PTCH1: variants seen among roughly 807,000 people sequenced by gnomAD.
PTCH1 encodes protein patched homolog 1.
PTCH1 carries 14 observed loss-of-function variants against 144.6 expected under a neutral mutation model. The observed-to-expected ratio is 0.10, with a 90% confidence interval of 0.06 to 0.15. PTCH1 has a LOEUF of 0.15. Among genes scored for constraint, PTCH1 ranks in the 10% least tolerant of loss-of-function variants. PTCH1 has a pLI of 1.00. For missense variants in PTCH1, 1,623 were observed against 1,948.3 expected (o/e 0.83, Z 3.14); for synonymous variants, 833 against 793.6 (o/e 1.05, Z -0.83).
chr9:95,516,673 C>T (rs1291827179), exon 1 of PTCH1: 4 of 1,613,018 alleles, frequency 2.5e-6, no homozygotes, highest in African/African-American at 1.3e-5. Context: ...TCTTCTCCTC[C>T]GTTTTCTTCT....
chr9:95,482,407 G>GT (rs1841618112), intron 3 of PTCH1: 4 of 600,074 alleles, frequency 6.7e-6, no homozygotes, highest in Non-Finnish European at 1.2e-5. Context: ...AACATGTAGG[G>GT]TGTTTATGTA....
chr9:95,484,141 T>C (rs1588619009), intron 3 of PTCH1: 1 of 152,238 alleles, frequency 6.6e-6, no homozygotes, highest in East Asian at 1.9e-4. Context: ...CTGAAGCATG[T>C]AGGTGACAAA....
intron 15 of PTCH1, among the ~76,000 whole-genome samples, chr9:95,466,192 C>T (rs796988039): frequency 2.8e-4 from 43 of 152,192 alleles, no homozygotes; most frequent in African/African-American, 1.0e-3. Flanking sequence ...GAATTACAGG[C>T]ACCCACCAGC....
intron 2 of PTCH1, chr9:95,495,138 TTTG>T (rs953213575): frequency 1.1e-4 from 16 of 152,236 alleles, no homozygotes; most frequent in African/African-American, 3.9e-4. Flanking sequence ...CTTTCATGAT[TTTG>T]TTGCCATCAG....
chr9:95,461,780 C>A (rs989815312), intron 16 of PTCH1, 76 bp downstream of exon 16: 1 of 1,591,094 alleles, frequency 6.3e-7, no homozygotes. Flanking sequence ...TGGGGTCACA[C>A]GCTGTCAAGC....
At position 95,459,695 on chromosome 9, in the gene PTCH1, G is replaced by C. The variant is rs772928587; in HGVS notation, c.2792C>G (p.Pro931Arg). 21 of 1,614,110 alleles carry C rather than the reference G, an allele frequency of 1.3e-5. No homozygotes were observed. The highest frequency in any genetic ancestry group is 1.6e-5 in the Non-Finnish European group (19 of 1,180,046). The change falls in exon 17 of 24, where the codon CCC becomes CGC. Residue 931 changes from proline to arginine, a missense_variant. Physicochemically the swap from Pro to Arg is moderately radical, Grantham distance 103. Around this residue, in one of 7 missense-constraint regions of PTCH1, gnomAD observed 504 missense variants for 679.3 expected, o/e 0.74. Transcript: ENST00000331920. ...GGCCTGGGAGGCAGCATACGCGACGGGGTCGTTGCTGACCCAAGCCGTCAG... is the reference window on the plus strand; with the variant it reads ...GGCCTGGGAGGCAGCATACGCGACGCGGTCGTTGCTGACCCAAGCCGTCAG... Reference protein sequence around the residue: ...IYLTAWVSNDPVAYAASQANI... With the variant: ...IYLTAWVSNDRVAYAASQANI...
chr9:95,477,980 A>G (rs1364967659), intron 9 of PTCH1, 75 bp downstream of exon 9: 1 of 1,603,254 alleles, frequency 6.2e-7, no homozygotes, highest in African/African-American at 1.3e-5. Context: ...AAGAAGCAGG[A>G]GCAGTCATGG....
At chr9:95,446,457 T>C in intron 23 of PTCH1, 66 bp from the exon 24 acceptor site, 1 of 513,744 alleles carries the variant, frequency 1.9e-6, no homozygotes, top group Non-Finnish European at 3.9e-6. Context: ...ATTTATAAAG[T>C]ACAAAAGCAG....
At chr9:95,515,928 T>C (rs1378487641) in intron 1 of PTCH1, among the ~76,000 whole-genome samples, 1 of 151,772 alleles carries the variant, frequency 6.6e-6, no homozygotes, top group African/African-American at 2.4e-5. Context: ...GAGCGTGCCC[T>C]TCCCTGCGGC....
At chr9:95,496,129 CCT>C (rs776819847) in intron 2 of PTCH1, among the ~76,000 whole-genome samples, 5 of 152,196 alleles carry the variant, frequency 3.3e-5, no homozygotes, top group African/African-American at 4.8e-5. Flanking sequence ...CCTGCCGACC[CCT>C]GACATAAATT....
intron 8 of PTCH1, 43 bp downstream of exon 8, chr9:95,478,957 G>C: frequency 6.2e-7 from 1 of 1,613,310 alleles, no homozygotes; most frequent in Non-Finnish European, 8.5e-7. Context: ...ATGAAGAATT[G>C]CATAACCAGC....
At chr9:95,498,212 C>T (rs1308820594) in intron 2 of PTCH1, among the ~76,000 whole-genome samples, 2 of 152,124 alleles carry the variant, frequency 1.3e-5, no homozygotes, top group Non-Finnish European at 2.9e-5. Context: ...TTTATCCGAA[C>T]AATAATAAAT....
At chr9:95,478,315 G>T in intron 8 of PTCH1, 129 bp from the exon 9 acceptor site, 3 of 1,378,146 alleles carry the variant, frequency 2.2e-6, no homozygotes, top group South Asian at 1.2e-5. Flanking sequence ...AAAGTTCTAC[G>T]TGATTCCAGG....
At position 95,447,237 on chromosome 9, in the gene PTCH1, C is replaced by T. The variant is rs1218728112; in HGVS notation, c.4019G>A (p.Gly1340Asp). 5 of 1,611,578 alleles carry T rather than the reference C, an allele frequency of 3.1e-6. No homozygotes were observed. Among genetic ancestry groups the T allele is most frequent in the Non-Finnish European group, 4.2e-6 (5 of 1,178,594 alleles). The change falls in exon 23 of 24, where the codon GGC becomes GAC. Residue 1340 changes from glycine to aspartate, a missense_variant. Physicochemically the swap from Gly to Asp is moderately conservative, Grantham distance 94. Around this residue, in one of 7 missense-constraint regions of PTCH1, gnomAD observed 291 missense variants for 287.4 expected, o/e 1.01. Transcript: ENST00000331920. Reference sequence around the variant, plus strand: ...GTTGTGAGAACGGGCCCCGCGAGGGCCCCAGCGGGCCCTATTGCTAGGGCC... The same window carrying T: ...GTTGTGAGAACGGGCCCCGCGAGGGTCCCAGCGGGCCCTATTGCTAGGGCC... ...HSGPSNRARW[G>D]PRGARSHNPR...
intron 2 of PTCH1, among the ~76,000 whole-genome samples, chr9:95,504,522 T>C (rs767994510): frequency 6.6e-6 from 1 of 152,242 alleles, no homozygotes; most frequent in Non-Finnish European, 1.5e-5. Flanking sequence ...AAATACAGGT[T>C]GGATCAAGTG....
At position 95,468,905 on chromosome 9, in the gene PTCH1, C is replaced by G. The variant is rs547829353; in HGVS notation, c.2096G>C (p.Cys699Ser). Reference protein sequence around the residue: ...PVTVTQDTLSCQSPESTSSTR... With the variant: ...PVTVTQDTLSSQSPESTSSTR... ...GGAGCTGGTGCTCTCTGGGCTCTGG[C>G]AGCTGAGGGTGTCCTGTGTCACGGT... The change falls in exon 14 of 24, where the codon TGC (cysteine) becomes TCC (serine). Residue 699 changes from cysteine to serine, a missense_variant. Cys to Ser is a moderately radical substitution (Grantham distance 112). Coordinates refer to ENST00000331920, the MANE Select transcript of PTCH1 (RefSeq NM_000264.5). 6.2e-7 allele frequency: 1 copy of G among 1,614,032 alleles called. No homozygotes were observed.
rs1564052712 is a variant in PTCH1 at position 95,478,873 on chromosome 9, C to A, written c.1215+127G>T. 6 of 1,439,882 alleles carry A rather than the reference C, an allele frequency of 4.2e-6. No homozygotes were observed. In the East Asian group the frequency reaches 1.5e-4, roughly 35 times the overall value. 89.2% of individuals were successfully genotyped at this position (1,439,882 alleles called of 1,614,324 possible). On this transcript the variant is annotated intron_variant, in intron 8 of 23. Transcript: ENST00000331920. The stretch of plus-strand genomic sequence containing the variant: ...CAAAGAAGAGGAAAAAAGTTTTCAT[C>A]CCATCAAGTTCCCAGAATTGCAATG...
chr9:95,470,400 A>C (rs562009732), intron 12 of PTCH1, among the ~76,000 whole-genome samples: 1 of 152,362 alleles, frequency 6.6e-6, no homozygotes, highest in Admixed American at 6.5e-5. Context: ...ATACAATTTC[A>C]CACGTGTCCC....
At chr9:95,516,912 C>A (rs1298956438) in exon 1 of PTCH1, 4 of 1,091,596 alleles carry the variant, frequency 3.7e-6, no homozygotes, top group African/African-American at 1.6e-5. Context: ...ACAATAAACT[C>A]AAGGAAAGCA....
Sources: gnomAD v4.1 joint callset for allele counts (sites outside exome capture counted in the v4.1 genomes callset) on GRCh38, gnomAD v4.1.1 for gene constraint, gnomAD v4.1.1 regional missense constraint, MANE v1.5 for transcripts, NCBI Gene and HGNC (gene_info 2026-07-23, HGNC 2026-07-21) for gene names.